The following GSE1 variants were observed in gnomAD, a reference collection of about 807,000 sequenced individuals.
GSE1 encodes genetic suppressor element 1.
GSE1 carries 32 observed loss-of-function variants against 112.6 expected under a neutral mutation model. That is an observed-to-expected ratio of 0.28 (90% CI 0.21 to 0.38). The LOEUF (loss-of-function observed/expected upper bound fraction) is 0.38. Among genes scored for constraint, GSE1 ranks in the 10% least tolerant of loss-of-function variants. The pLI, the probability that GSE1 is intolerant of heterozygous loss-of-function variation, is 1.00. For synonymous variants in GSE1, 1,115 were observed against 735.6 expected, an observed-to-expected ratio of 1.52 and a Z score of -8.35; for missense variants, 2,348 against 1,699.2, an observed-to-expected ratio of 1.38 and a Z score of -6.71.
chr16:85,215,194 C>T (rs2075288446), intron 1 of GSE1, among the ~76,000 whole-genome samples: 1 of 152,166 alleles, frequency 6.6e-6, no homozygotes, highest in African/African-American at 2.4e-5. Context: ...GCTCTGAAAC[C>T]CTGTGATTTG....
chr16:85,585,693 G>C (rs1436771348), intron 1 of GSE1, among the ~76,000 whole-genome samples: 1 of 152,254 alleles, frequency 6.6e-6, no homozygotes, highest in Non-Finnish European at 1.5e-5. Flanking sequence ...CCATGGGCAA[G>C]TGCCGTCCCT....
In GSE1 at chr16:85,237,473, G is replaced by T. The variant is rs1291378924; in HGVS notation, c.2283+65666G>T. ...GGTGGGGCTACAGTCCTGGGAGGGA[G>T]TTCCGAGCTGGGGATTGACAGCACG... On this transcript the variant is annotated intron_variant, in intron 1 of 2. Transcript: ENST00000637419. Among the ~76,000 whole-genome samples the T allele has an allele frequency of 2.6e-5, 4 of 152,296 alleles. No homozygotes were observed. The East Asian group carries it at 7.7e-4, about 29-fold the overall frequency.
At chr16:85,642,744 C>G (rs552364954) in intron 2 of GSE1, among the ~76,000 whole-genome samples, 31 of 152,216 alleles carry the variant, frequency 2.0e-4, no homozygotes, top group Non-Finnish European at 4.4e-4. Context: ...GCAGCGGGGC[C>G]GGGCCCTGGG....
At chr16:85,217,119 C>T (rs1324880310) in intron 1 of GSE1, among the ~76,000 whole-genome samples, 1 of 152,218 alleles carries the variant, frequency 6.6e-6, no homozygotes, top group African/African-American at 2.4e-5. Flanking sequence ...GCTTCCGTTT[C>T]CCCATATGGA....
At chr16:85,180,425 AT>A (rs372433633) in intron 1 of GSE1, among the ~76,000 whole-genome samples, 34 of 152,282 alleles carry the variant, frequency 2.2e-4, no homozygotes, top group African/African-American at 7.9e-4. Context: ...CAGAAAGGGT[AT>A]TTAGGTTCCG....
intron 1 of GSE1, among the ~76,000 whole-genome samples, chr16:85,235,220 A>C (rs1904468759): frequency 6.6e-6 from 1 of 151,892 alleles, no homozygotes; most frequent in Non-Finnish European, 1.5e-5. Context: ...ACATCCAATA[A>C]AACAAAATCA....
intron 1 of GSE1, among the ~76,000 whole-genome samples, chr16:85,307,111 G>A (rs2045700028): frequency 6.6e-6 from 1 of 151,918 alleles, no homozygotes; most frequent in South Asian, 2.1e-4. Flanking sequence ...ACACGTACAG[G>A]CTGCAGCCGG....
chr16:85,390,524 G>A lies in GSE1; in HGVS notation c.2464+32881G>A, dbSNP rs1419440444. Reference sequence around the variant, plus strand: ...GGGTCAAGCTGTGGTCCTATAACTTGTTGGAAGACATTTCAGAACAATAAA... The same window carrying A: ...GGGTCAAGCTGTGGTCCTATAACTTATTGGAAGACATTTCAGAACAATAAA... On this transcript the variant is annotated intron_variant, in intron 2 of 2. Transcript: ENST00000637419. 3.9e-5 allele frequency among the ~76,000 whole-genome samples: 6 copies of A among 152,282 alleles called. No individual in the cohort carries two copies. In the East Asian group the frequency reaches 1.2e-3, roughly 29 times the overall value.
chr16:85,325,790 T>C (rs1293610121), intron 1 of GSE1, among the ~76,000 whole-genome samples: 6 of 142,090 alleles, frequency 4.2e-5, no homozygotes, highest in Non-Finnish European at 7.5e-5. Context: ...GGAGTCTCCC[T>C]CTGTCGCCCA....
rs1026536908 is a variant in GSE1, at chr16:85,634,440, T to C, written c.226+308T>C. Among the ~76,000 whole-genome samples, 4 of 152,044 alleles carry C rather than the reference T, an allele frequency of 2.6e-5. No homozygotes were observed. In the East Asian group the frequency reaches 7.8e-4, roughly 29 times the overall value. On this transcript the variant is annotated intron_variant, in intron 2 of 15. Coordinates refer to ENST00000253458, the MANE Select transcript of GSE1 (RefSeq NM_014615.5). ...CTCTGTGACTTGATTGGGAGGAGGG[T>C]GGGTGCCCTGGACCAGGGGAGCCCC...
rs73265136 is a variant in GSE1 at position 85,489,323 on chromosome 16, C to A, written c.2464+131680C>A. On this transcript the variant is annotated intron_variant, in intron 2 of 2. Transcript: ENST00000637419. ...AGAATTTTCTGAGCAACGTCCCTGC[C>A]ACCAAGATGCAAGAGGCTAGTGGCC... 5.5e-3 allele frequency among the ~76,000 whole-genome samples: 842 copies of A among 152,146 alleles called. 11 individuals are homozygous for A. The highest frequency in any genetic ancestry group is 0.019 in the African/African-American group (790 of 41,518).
At chr16:85,253,510 G>T (rs1008841769) in intron 1 of GSE1, among the ~76,000 whole-genome samples, 3 of 152,184 alleles carry the variant, frequency 2.0e-5, no homozygotes, top group African/African-American at 7.2e-5. Flanking sequence ...TCTTTCTGGA[G>T]TCCCTCCTGT....
At chr16:85,355,835 A>G (rs970284703) in intron 1 of GSE1, among the ~76,000 whole-genome samples, 1 of 152,162 alleles carries the variant, frequency 6.6e-6, no homozygotes, top group African/African-American at 2.4e-5. Context: ...AGTCTGGCCA[A>G]CATAGTGAAA....
intron 15 of GSE1, chr16:85,671,982 A>C (rs1188731361): frequency 1.5e-5 from 3 of 201,390 alleles, no homozygotes; most frequent in Middle Eastern, 2.1e-3. Flanking sequence ...CAGGGACAGA[A>C]CACAGGCTGA....
At chr16:85,558,488 CAGAA>C (rs1467643490) in intron 1 of GSE1, among the ~76,000 whole-genome samples, 2 of 152,166 alleles carry the variant, frequency 1.3e-5, no homozygotes, top group Non-Finnish European at 2.9e-5. Context: ...CAGGGAGACT[CAGAA>C]AGAGGAGGAG....
At chr16:85,349,811 A>T (rs1181432420) in intron 1 of GSE1, among the ~76,000 whole-genome samples, 5 of 152,166 alleles carry the variant, frequency 3.3e-5, no homozygotes, top group Non-Finnish European at 7.4e-5. Flanking sequence ...AATCAGCCTC[A>T]GCCCATCAGC....
chr16:85,633,456 C>T (rs1394605612), intron 1 of GSE1, among the ~76,000 whole-genome samples: 1 of 152,242 alleles, frequency 6.6e-6, no homozygotes, highest in African/African-American at 2.4e-5. Flanking sequence ...GCGTCAGTGG[C>T]CACAGCAGTT....
chr16:85,295,442 C>G (rs1300456676), intron 1 of GSE1, among the ~76,000 whole-genome samples: 1 of 152,268 alleles, frequency 6.6e-6, no homozygotes, highest in Non-Finnish European at 1.5e-5. Context: ...TGCGCGTAGA[C>G]CGCGTCCTTT....
At chr16:85,475,762 TTC>T (rs1193033901) in intron 2 of GSE1, among the ~76,000 whole-genome samples, 1 of 139,206 alleles carries the variant, frequency 7.2e-6, no homozygotes, top group African/African-American at 2.7e-5. Context: ...GGAATGTTTC[TTC>T]TAATTGTTTT....
Sources: allele counts gnomAD v4.1 joint callset (sites outside exome capture counted in the v4.1 genomes callset), GRCh38; gene constraint gnomAD v4.1.1; transcripts MANE v1.5; gene names NCBI Gene and HGNC (gene_info 2026-07-23, HGNC 2026-07-21).